Variants in NUSAP1 observed in about 807,000 individuals in gnomAD.
The protein encoded by NUSAP1 is nucleolar and spindle associated protein 1.
NUSAP1 carries 32 observed loss-of-function variants against 52.8 expected under a neutral mutation model. The observed-to-expected ratio is 0.61, with a 90% CI of 0.46 to 0.81. NUSAP1 has a LOEUF of 0.81. Among genes scored for constraint, NUSAP1 ranks in the 40% least tolerant of loss-of-function variants. The pLI, the probability that NUSAP1 is intolerant of heterozygous loss-of-function variation, is 0.00. For missense variants in NUSAP1, 499 were observed against 522.3 expected (o/e 0.96, Z 0.43); for synonymous variants, 195 against 183.1 (o/e 1.06, Z -0.52).
In NUSAP1 at chr15:41,336,877, A is replaced by G. The variant is rs2048171782; in HGVS notation, c.93+3827A>G. On this transcript the variant is annotated intron_variant, in intron 1 of 10. Coordinates refer to ENST00000559596, the MANE Select transcript of NUSAP1 (RefSeq NM_016359.5). Reference sequence around the variant, plus strand: ...AATTACTTTTTATCATCTTGACTCAACTTGGTTCCCTTCCCTCCCTTGATG... The same window carrying G: ...AATTACTTTTTATCATCTTGACTCAGCTTGGTTCCCTTCCCTCCCTTGATG... Among the ~76,000 whole-genome samples, 2 of 151,130 alleles carry G rather than the reference A, an allele frequency of 1.3e-5. 1 individual carries two copies. Among genetic ancestry groups the G allele is most frequent in the Non-Finnish European group, 2.9e-5 (2 of 67,868 alleles).
chr15:41,362,036 G>A (rs930577417), intron 6 of NUSAP1, among the ~76,000 whole-genome samples: 1 of 151,988 alleles, frequency 6.6e-6, no homozygotes, highest in Non-Finnish European at 1.5e-5. Context: ...TGATCTAGTT[G>A]TCAAATGGCC....
At chr15:41,373,032 A>G (rs2049766694) in intron 8 of NUSAP1, among the ~76,000 whole-genome samples, 1 of 152,006 alleles carries the variant, frequency 6.6e-6, no homozygotes, top group South Asian at 2.1e-4. Flanking sequence ...GGTTGCAGTG[A>G]GCCGAGATTG....
Position 41,381,042 on chromosome 15 carries a change from T to A in NUSAP1, c.*856T>A, listed in dbSNP as rs1022496374. On this transcript the variant is annotated 3_prime_UTR_variant, in exon 11 of 11. Coordinates refer to ENST00000559596, the MANE Select transcript of NUSAP1 (RefSeq NM_016359.5). ...CGTCATAAATAAAATTTTTTCTCATTGTCATAGATTCATTCTTTGTAAACA... is the reference window on the plus strand; with the variant it reads ...CGTCATAAATAAAATTTTTTCTCATAGTCATAGATTCATTCTTTGTAAACA... The A allele has an allele frequency of 6.6e-6, 1 of 152,230 alleles. No homozygotes were observed. Among genetic ancestry groups the A allele is most frequent in the African/African-American group, 2.4e-5 (1 of 41,456 alleles). The allele number at this position is 152,230 out of a possible 1,614,324, so 9.4% of individuals were successfully genotyped here.
intron 10 of NUSAP1, among the ~76,000 whole-genome samples, chr15:41,378,835 T>C (rs2050082941): frequency 7.2e-6 from 1 of 139,224 alleles, no homozygotes; most frequent in African/African-American, 2.8e-5. Flanking sequence ...GTGAAAGGAA[T>C]AGAACTAGAA....
intron 2 of NUSAP1, among the ~76,000 whole-genome samples, chr15:41,346,334 T>TG (rs968007322): frequency 2.0e-5 from 3 of 151,984 alleles, no homozygotes; most frequent in Non-Finnish European, 4.4e-5. Context: ...ATTTTTGAGA[T>TG]GGGGTCTCAC....
chr15:41,361,136 G>A (rs936455400), intron 6 of NUSAP1, among the ~76,000 whole-genome samples: 4 of 151,176 alleles, frequency 2.6e-5, no homozygotes, highest in Admixed American at 1.3e-4. Flanking sequence ...GCTCACACCT[G>A]TAATCCCAGT....
At chr15:41,341,351 A>AC (rs2048360235) in intron 1 of NUSAP1, among the ~76,000 whole-genome samples, 2 of 152,126 alleles carry the variant, frequency 1.3e-5, no homozygotes, top group South Asian at 4.1e-4. Flanking sequence ...GGCATGAGCC[A>AC]CCCCGCTCAA....
At chr15:41,370,274 T>A (rs2049613501) in intron 7 of NUSAP1, among the ~76,000 whole-genome samples, 1 of 151,494 alleles carries the variant, frequency 6.6e-6, no homozygotes, top group African/African-American at 2.4e-5. Flanking sequence ...CCCAGCTACT[T>A]GGGAGGCTGA....
At position 41,371,695 on chromosome 15, in the gene NUSAP1, A is replaced by C. The variant is rs1361470308; in HGVS notation, c.1006+11A>C. ...GGAATTCTGCTGCTGGTAAAAAAAA[A>C]AAAAAACAAAAGAAATCTGTTTCAT... On this transcript the variant is annotated intron_variant, in intron 8 of 10. Coordinates refer to ENST00000559596, the MANE Select transcript of NUSAP1 (RefSeq NM_016359.5). 6 of 1,579,576 alleles carry C rather than the reference A, an allele frequency of 3.8e-6. No individual in the cohort carries two copies. The highest frequency in any genetic ancestry group is 5.1e-6 in the Non-Finnish European group (6 of 1,170,882).
At chr15:41,358,498 AG>A (rs2049053687) in intron 6 of NUSAP1, among the ~76,000 whole-genome samples, 1 of 152,172 alleles carries the variant, frequency 6.6e-6, no homozygotes, top group African/African-American at 2.4e-5. Context: ...GCACTTTGGG[AG>A]GCCAAGGCAA....
chr15:41,376,465 A>T (rs1020760113), intron 9 of NUSAP1, among the ~76,000 whole-genome samples: 1 of 151,910 alleles, frequency 6.6e-6, no homozygotes, highest in Non-Finnish European at 1.5e-5. Flanking sequence ...AGGCAGGCGG[A>T]TCATGAGTTC....
intron 10 of NUSAP1, among the ~76,000 whole-genome samples, chr15:41,377,613 G>A (rs371359055): frequency 2.0e-4 from 30 of 150,906 alleles, no homozygotes; most frequent in African/African-American, 6.6e-4. Flanking sequence ...GCAGGAGAAT[G>A]GCGTGAACCC....
intron 7 of NUSAP1, 136 bp downstream of exon 7, chr15:41,365,725 T>A: frequency 3.5e-5 from 7 of 198,590 alleles, no homozygotes; most frequent in Non-Finnish European, 5.5e-5. Flanking sequence ...TTTCTTTTTC[T>A]TTTTTTTTTT....
chr15:41,341,185 C>A (rs923374095), intron 1 of NUSAP1, among the ~76,000 whole-genome samples: 2 of 152,170 alleles, frequency 1.3e-5, no homozygotes, highest in African/African-American at 4.8e-5. Flanking sequence ...TCTGCCTCAG[C>A]CTCCCAAGTA....
rs1161491120 is a variant in NUSAP1, at chr15:41,356,108, G to A, written c.518G>A (p.Gly173Glu). 1 of 1,607,082 alleles carries A rather than the reference G, an allele frequency of 6.2e-7. No homozygotes were observed. Among genetic ancestry groups the A allele is most frequent in the Non-Finnish European group, 8.5e-7 (1 of 1,176,858 alleles). The change falls in exon 5 of 11, where the codon GGA becomes GAA. Residue 173 changes from glycine to glutamate, a missense_variant. Physicochemically the swap from Gly to Glu is moderately conservative, Grantham distance 98. Coordinates refer to ENST00000559596, the MANE Select transcript of NUSAP1 (RefSeq NM_016359.5). Reference sequence around the variant, plus strand: ...TACACAGATGAGTCATCCAAACCTGGAAAAAATAAAAGAACTGCAATCACT... The same window carrying A: ...TACACAGATGAGTCATCCAAACCTGAAAAAAATAAAAGAACTGCAATCACT... ...SLYTDESSKPGKNKRTAITTP... is the reference protein window; with the variant it reads ...SLYTDESSKPEKNKRTAITTP...
chr15:41,372,192 C>T (rs754251936), intron 8 of NUSAP1, among the ~76,000 whole-genome samples: 35 of 152,114 alleles, frequency 2.3e-4, no homozygotes, highest in African/African-American at 7.7e-4. Flanking sequence ...AGATATCTGC[C>T]TGAGAGCTCC....
intron 2 of NUSAP1, among the ~76,000 whole-genome samples, chr15:41,344,786 C>A (rs886471953): frequency 7.9e-5 from 12 of 151,976 alleles, no homozygotes; most frequent in African/African-American, 2.9e-4. Flanking sequence ...ACTAAAAATA[C>A]AAAAATTAGC....
intron 6 of NUSAP1, 73 bp downstream of exon 6, chr15:41,358,331 G>C: frequency 1.4e-6 from 1 of 698,056 alleles, no homozygotes; most frequent in Non-Finnish European, 2.5e-6. Context: ...ATAACACCGT[G>C]GTTACAACAA....
At chr15:41,371,439 G>A in intron 7 of NUSAP1, 88 bp from the exon 8 acceptor site, 1 of 1,130,216 alleles carries the variant, frequency 8.8e-7, no homozygotes, top group Non-Finnish European at 1.2e-6. Flanking sequence ...TTCACTGCTT[G>A]CTAATAGTCA....
Sources: allele counts gnomAD v4.1 joint callset (sites outside exome capture counted in the v4.1 genomes callset), GRCh38; gene constraint gnomAD v4.1.1; transcripts MANE v1.5; gene names NCBI Gene and HGNC (gene_info 2026-07-23, HGNC 2026-07-21).